The following SGSM3 variants were observed in gnomAD, a reference collection of about 807,000 sequenced individuals.
SGSM3 encodes RUN and SH3 containing 3.
Under a neutral mutation model 100.5 loss-of-function variants are expected in SGSM3, and 96 were observed. That is an observed-to-expected ratio of 0.96 (90% CI 0.81 to 1.13). The LOEUF is 1.13. Ranked by LOEUF, SGSM3 falls within the 50% of genes most tolerant of loss-of-function variation. The pLI is 0.00. For missense variants in SGSM3, 1,001 were observed against 1,015.8 expected (o/e 0.99, Z 0.20); for synonymous variants, 483 against 422.8 (o/e 1.14, Z -1.75).
chr22:40,375,555 G>C (rs1016900797), intron 1 of SGSM3, among the ~76,000 whole-genome samples: 1 of 151,536 alleles, frequency 6.6e-6, no homozygotes, highest in Non-Finnish European at 1.5e-5. Context: ...ACTCCAGCCT[G>C]GGTGACAAGA....
rs1223712980 is a variant in SGSM3, at chr22:40,407,625, C to T, written c.1524+57C>T. The stretch of plus-strand genomic sequence containing the variant: ...AGGCTGTGGCGGGTTCCCCAGACTC[C>T]CTCCACCAAGCCCCACCCCAACCCC... On this transcript the variant is annotated intron_variant, in intron 13 of 21. Coordinates refer to ENST00000248929, the MANE Select transcript of SGSM3 (RefSeq NM_015705.6). This position sits in a 1 kb window ranked among gnomAD's most constrained non-coding sequence, Gnocchi z 4.7. 102 of 1,584,788 alleles carry T rather than the reference C, an allele frequency of 6.4e-5. No homozygotes were observed. The highest frequency in any genetic ancestry group is 1.4e-4 in the South Asian group (13 of 89,678).
rs1205030438 is a variant in SGSM3 at position 40,406,469 on chromosome 22, C to T, written c.992C>T (p.Ala331Val). 5 of 1,597,522 alleles carry T rather than the reference C, an allele frequency of 3.1e-6. No individual in the cohort carries two copies. Among genetic ancestry groups the T allele is most frequent in the Non-Finnish European group, 4.3e-6 (5 of 1,169,754 alleles). Residue 331 changes from alanine (A) to valine (V), a missense_variant, in exon 10 of 22, where the codon GCC becomes GTC. Physicochemically the swap from Ala to Val is moderately conservative, Grantham distance 64. Transcript: ENST00000248929. ...GAGCTGATCCAGTCAGAGAACTCGG[C>T]CTCCATCTTCAACACGCTATCGGAT... ...EEELIQSENS[A>V]SIFNTLSDIP...
chr22:40,409,625 AG>A, intron 21 of SGSM3, 56 bp from the exon 22 acceptor site: 3 of 1,613,548 alleles, frequency 1.9e-6, no homozygotes, highest in Non-Finnish European at 1.7e-6. Flanking sequence ...GTCAGCGGTT[AG>A]GAACTACCCC....
intron 1 of SGSM3, among the ~76,000 whole-genome samples, chr22:40,385,094 G>A (rs1251148596): frequency 6.6e-6 from 1 of 152,194 alleles, no homozygotes; most frequent in Non-Finnish European, 1.5e-5. Context: ...TCATTGAACA[G>A]TTCAAGAAAC....
At chr22:40,397,459 C>G (rs1173039485) in intron 1 of SGSM3, among the ~76,000 whole-genome samples, 1 of 152,026 alleles carries the variant, frequency 6.6e-6, no homozygotes, top group African/African-American at 2.4e-5. Context: ...GTGTTCCCAC[C>G]ATAGGAAAGT....
chr22:40,377,373 CTGT>C (rs1250011406), intron 1 of SGSM3, among the ~76,000 whole-genome samples: 5 of 152,264 alleles, frequency 3.3e-5, no homozygotes, highest in Admixed American at 2.6e-4. Context: ...ACTAGAGCTG[CTGT>C]TGTTTTCAAC....
intron 4 of SGSM3, among the ~76,000 whole-genome samples, chr22:40,403,583 C>T (rs1332041708): frequency 6.6e-6 from 1 of 152,112 alleles, no homozygotes; most frequent in Non-Finnish European, 1.5e-5. Flanking sequence ...CTGAAGTGGC[C>T]CTTTCAGACC....
At position 40,409,709 on chromosome 22, in the gene SGSM3, C is replaced by T. The variant is rs187933704; in HGVS notation, c.2200C>T (p.Arg734Trp). ...GCAGCAGCCCCTGAAGGAGGGCGTC[C>T]GGGACATGCTGGTGAAGCACCACCT... ...EAQQPLKEGV[R>W]DMLVKHHLFS... The change falls in exon 22 of 22, where the codon CGG (arginine) becomes TGG (tryptophan). Residue 734 changes from arginine to tryptophan, a missense_variant. Transcript: ENST00000248929. The T allele has an allele frequency of 1.4e-5, 22 of 1,612,776 alleles. No individual in the cohort carries two copies. Among genetic ancestry groups the T allele is most frequent in the East Asian group, 4.5e-5 (2 of 44,860 alleles).
chr22:40,372,070 C>T (rs1475658556), intron 1 of SGSM3, among the ~76,000 whole-genome samples: 1 of 151,100 alleles, frequency 6.6e-6, no homozygotes, highest in Non-Finnish European at 1.5e-5. Context: ...GCTTTTTCAT[C>T]CCTAATTATC....
At chr22:40,386,934 C>A (rs1335146581) in intron 1 of SGSM3, among the ~76,000 whole-genome samples, 2 of 152,092 alleles carry the variant, frequency 1.3e-5, no homozygotes, top group Non-Finnish European at 2.9e-5. Context: ...TTTTCACACA[C>A]AAAAAATTTT....
rs1257410050 is a variant in SGSM3 at position 40,409,523 on chromosome 22, GAGGT to G, written c.2171_2172+2del. 1 of 1,600,712 alleles carries G rather than the reference GAGGT, an allele frequency of 6.2e-7. No homozygotes were observed. The highest frequency in any genetic ancestry group is 8.5e-7 in the Non-Finnish European group (1 of 1,174,234). On this transcript the variant is annotated splice_donor_variant and coding_sequence_variant, in exon 21 of 22. Coordinates refer to ENST00000248929, the MANE Select transcript of SGSM3 (RefSeq NM_015705.6). LOFTEE classifies it high-confidence loss of function. The stretch of plus-strand genomic sequence containing the variant: ...GGACTGGGAGCTCCCTGCGAAGAGA[GAGGT>G]GGGTGGTGTGGGCCTCGTAGGGCCT...
chr22:40,404,518 C>T lies in SGSM3; in HGVS notation c.367-39C>T, dbSNP rs115051460. The T allele has an allele frequency of 2.8e-3, 4,506 of 1,609,968 alleles. 98 individuals carry two copies. In the African/African-American group the frequency reaches 0.049, roughly 17 times the overall value. The stretch of plus-strand genomic sequence containing the variant: ...GTCCTGGCCCCATGATCAGGTGTCA[C>T]GAGAAAGACTGAGTGCCCTTGCGGC... On this transcript the variant is annotated intron_variant, in intron 5 of 21. Coordinates refer to ENST00000248929, the MANE Select transcript of SGSM3 (RefSeq NM_015705.6).
chr22:40,406,035 T>G, intron 8 of SGSM3, 43 bp from the exon 9 acceptor site: 1 of 1,599,420 alleles, frequency 6.3e-7, no homozygotes. Flanking sequence ...GAGGGAGGTT[T>G]CCACCACCTC....
chr22:40,399,938 GA>G (rs1410492014), intron 1 of SGSM3, among the ~76,000 whole-genome samples: 1 of 152,224 alleles, frequency 6.6e-6, no homozygotes, highest in Admixed American at 6.5e-5. Flanking sequence ...CAGAGGCCGG[GA>G]CACAGCTGAG....
chr22:40,392,606 GT>G (rs2049510232), intron 1 of SGSM3, among the ~76,000 whole-genome samples: 1 of 152,118 alleles, frequency 6.6e-6, no homozygotes, highest in African/African-American at 2.4e-5. Context: ...AGCTTCACTG[GT>G]GGTCCTCAGA....
intron 17 of SGSM3, 34 bp downstream of exon 17, chr22:40,408,731 C>T (rs2052060710): frequency 6.2e-7 from 1 of 1,613,818 alleles, no homozygotes; most frequent in Non-Finnish European, 8.5e-7. Context: ...GTGGGGTCAC[C>T]AGCAGTGGGA....
chr22:40,389,435 T>C (rs948351823), intron 1 of SGSM3, among the ~76,000 whole-genome samples: 1 of 147,160 alleles, frequency 6.8e-6, no homozygotes, highest in African/African-American at 2.5e-5. Flanking sequence ...CCGTCTCTAC[T>C]AAAAATACAA....
intron 3 of SGSM3, 83 bp downstream of exon 3, chr22:40,401,758 A>G: frequency 8.6e-7 from 1 of 1,159,584 alleles, no homozygotes. Flanking sequence ...CTGCCCAGGA[A>G]GAGGTGGCCA....
At chr22:40,378,612 A>C (rs2146777070) in intron 1 of SGSM3, among the ~76,000 whole-genome samples, 1 of 151,928 alleles carries the variant, frequency 6.6e-6, no homozygotes, top group Non-Finnish European at 1.5e-5. Context: ...GCATGCCTGT[A>C]ATCCCATCTA....
Sources: gnomAD v4.1 joint callset for allele counts (sites outside exome capture counted in the v4.1 genomes callset) on GRCh38, gnomAD v4.1.1 for gene constraint, Gnocchi (gnomAD v3.1) non-coding constraint, MANE v1.5 for transcripts, NCBI Gene and HGNC (gene_info 2026-07-23, HGNC 2026-07-21) for gene names.